The following THSD7B variants were observed in gnomAD, a reference collection of about 807,000 sequenced individuals.
THSD7B encodes thrombospondin type-1 domain-containing protein 7B.
Under a neutral mutation model 213.6 loss-of-function variants are expected in THSD7B, and 138 were observed. The ratio of observed to expected loss-of-function variants is 0.65; its 90% CI spans 0.56 to 0.74. The LOEUF is 0.74. THSD7B is among the 30% of genes least tolerant of loss of function. The pLI is 0.00. For synonymous variants in THSD7B, 742 were observed against 687.0 expected, an observed-to-expected ratio of 1.08 and a Z score of -1.25; for missense variants, 1,931 against 1,991.5, an observed-to-expected ratio of 0.97 and a Z score of 0.58.
At chr2:136,921,990 C>T (rs1014241869) in intron 2 of THSD7B, among the ~76,000 whole-genome samples, 8 of 152,184 alleles carry the variant, frequency 5.3e-5, no homozygotes, top group Non-Finnish European at 8.8e-5. Context: ...TTTTTGCTAT[C>T]TAATCTCAGG....
intron 10 of THSD7B, among the ~76,000 whole-genome samples, chr2:137,261,641 G>T (rs1434306262): frequency 6.6e-6 from 1 of 152,104 alleles, no homozygotes; most frequent in Non-Finnish European, 1.5e-5. Flanking sequence ...AGTAGTGACA[G>T]CAATACAAGC....
chr2:137,649,452 T>A (rs1242484528), intron 21 of THSD7B, among the ~76,000 whole-genome samples: 3 of 152,222 alleles, frequency 2.0e-5, no homozygotes, highest in African/African-American at 7.2e-5. Flanking sequence ...TTTGATTTTC[T>A]TGTATGTTGA....
At chr2:137,405,561 A>G in intron 12 of THSD7B, 52 bp from the exon 13 acceptor site, 1 of 1,508,490 alleles carries the variant, frequency 6.6e-7, no homozygotes, top group Non-Finnish European at 8.9e-7. Context: ...AAGAACCAGC[A>G]GCTGACTGAT....
At chr2:136,977,797 C>CTTTGCTT (rs1553461912) in intron 2 of THSD7B, among the ~76,000 whole-genome samples, 2 of 41,318 alleles carry the variant, frequency 4.8e-5, no homozygotes, top group African/African-American at 2.9e-4. Context: ...TTTTTCTTTT[C>CTTTGCTT]TTTGTTTTTT....
At chr2:137,254,925 TGA>T (rs367797065) in intron 10 of THSD7B, among the ~76,000 whole-genome samples, 1 of 151,792 alleles carries the variant, frequency 6.6e-6, no homozygotes, top group African/African-American at 2.4e-5. Context: ...AGAGAAAGAG[TGA>T]GGGGGGGCTC....
intron 3 of THSD7B, among the ~76,000 whole-genome samples, chr2:137,075,654 G>C (rs531360284): frequency 6.6e-6 from 1 of 152,176 alleles, no homozygotes; most frequent in Admixed American, 6.5e-5. Context: ...TGGAGCAGGA[G>C]AGGCGCTCTG....
In THSD7B at chr2:137,094,971, A is replaced by G. The variant is rs1273387528; in HGVS notation, c.1049A>G (p.Lys350Arg). ...SQWSSWSPCS[K>R]TCRSGSLLPG... ...TGGTCCTCCTGGAGCCCCTGCTCCA[A>G]GACATGCCGTTCAGGGAGTCTCTTG... The change falls in exon 4 of 28, where the codon AAG becomes AGG. Residue 350 changes from lysine to arginine, a missense_variant. By Grantham distance (26) the Lys-to-Arg change is conservative. Transcript: ENST00000409968. 1.2e-6 allele frequency: 2 copies of G among 1,613,908 alleles called. No individual in the cohort carries two copies. Among genetic ancestry groups the G allele is most frequent in the South Asian group, 1.1e-5 (1 of 91,084 alleles).
rs1687232981 is a variant in THSD7B at position 137,433,651 on chromosome 2, A to G, written c.2960-17194A>G. ...TTACAGGCATGAGCCTCCGTGCCCC[A>G]CCTATTTTTCTACTTTCTCTAGGCC... On this transcript the variant is annotated intron_variant, in intron 14 of 27. Coordinates refer to ENST00000409968, the MANE Select transcript of THSD7B (RefSeq NM_001316349.2). 2.0e-5 allele frequency among the ~76,000 whole-genome samples: 3 copies of G among 151,888 alleles called. No individual in the cohort carries two copies. In the South Asian group the frequency reaches 6.2e-4, roughly 31 times the overall value.
At chr2:137,581,867 GC>G (rs1471389533) in intron 17 of THSD7B, among the ~76,000 whole-genome samples, 1 of 151,748 alleles carries the variant, frequency 6.6e-6, no homozygotes, top group Admixed American at 6.6e-5. Context: ...GGAGGCTGAG[GC>G]AGGTGGATCA....
At position 137,474,360 on chromosome 2, in the gene THSD7B, T is replaced by C. The variant is rs146537961; in HGVS notation, c.3138+23337T>C. 3.5e-3 allele frequency among the ~76,000 whole-genome samples: 526 copies of C among 152,324 alleles called. 8 individuals are homozygous for C. Among genetic ancestry groups the C allele is most frequent in the African/African-American group, 9.8e-3 (406 of 41,578 alleles). On this transcript the variant is annotated intron_variant, in intron 15 of 27. Coordinates refer to ENST00000409968, the MANE Select transcript of THSD7B (RefSeq NM_001316349.2). Reference sequence around the variant, plus strand: ...AGATTGAATGGTTTCAGCTTTTACTTGTCAAAGTCCACTCCCTTTGGTCTC... The same window carrying C: ...AGATTGAATGGTTTCAGCTTTTACTCGTCAAAGTCCACTCCCTTTGGTCTC...
At chr2:137,070,715 C>A (rs1687467579) in intron 3 of THSD7B, among the ~76,000 whole-genome samples, 1 of 151,704 alleles carries the variant, frequency 6.6e-6, no homozygotes, top group East Asian at 1.9e-4. Context: ...CTCCCCCTGT[C>A]CCCCACCCCA....
At chr2:137,297,501 T>C (rs1683495224) in intron 12 of THSD7B, among the ~76,000 whole-genome samples, 1 of 151,954 alleles carries the variant, frequency 6.6e-6, no homozygotes, top group Non-Finnish European at 1.5e-5. Context: ...AGTAAATTGA[T>C]CACCAAAAGG....
chr2:137,140,783 G>A (rs1679563859), intron 5 of THSD7B, among the ~76,000 whole-genome samples: 2 of 152,126 alleles, frequency 1.3e-5, no homozygotes, highest in South Asian at 4.1e-4. Flanking sequence ...TAGTATTTAT[G>A]TTCTGATGGG....
At chr2:137,328,483 CA>C (rs1027137515) in intron 12 of THSD7B, among the ~76,000 whole-genome samples, 15 of 152,172 alleles carry the variant, frequency 9.9e-5, no homozygotes, top group African/African-American at 3.6e-4. Flanking sequence ...CCTACAAAAA[CA>C]TTTTTTTTCT....
chr2:136,882,250 T>C lies in THSD7B; in HGVS notation c.72T>C (p.Leu24=). The C allele has an allele frequency of 6.5e-7, 1 of 1,545,368 alleles. No homozygotes were observed. The highest frequency in any genetic ancestry group is 1.4e-5 in the African/African-American group (1 of 72,736). Reference sequence around the variant, plus strand: ...GCATGAGGAAGCTCTTTCTATTGCTTTCTCTCTTGCTGTCCCATGCAGCTC... The same window carrying C: ...GCATGAGGAAGCTCTTTCTATTGCTCTCTCTCTTGCTGTCCCATGCAGCTC... The part of the protein sequence containing the change: ...WRSMRKLFLL[L]SLLLSHAAHL... Residue 24 remains leucine (L), a synonymous_variant, in exon 2 of 28, where the codon CTT becomes CTC. Transcript: ENST00000409968.
In THSD7B at chr2:137,575,742, A is replaced by ATATATATATATATTTTTT. The variant is rs1235744133; in HGVS notation, c.3423+3187_3423+3188insATATATATATATTTTTTT. Among the ~76,000 whole-genome samples, 18 of 147,414 alleles carry ATATATATATATATTTTTT rather than the reference A, an allele frequency of 1.2e-4. No individual in the cohort carries two copies. In the South Asian group the frequency reaches 1.6e-3, roughly 13 times the overall value. ...ATAACACACATATATATATATATAT[A>ATATATATATATATTTTTT]TTTTTACTTTAACATGCTTACTTTT... On this transcript the variant is annotated intron_variant, in intron 17 of 27. Transcript: ENST00000409968.
intron 1 of THSD7B, among the ~76,000 whole-genome samples, chr2:136,852,465 G>C (rs13015892): frequency 1.3e-5 from 2 of 151,918 alleles, no homozygotes; most frequent in East Asian, 3.9e-4. Context: ...GAGGAACACC[G>C]CCTTGCTAAC....
chr2:137,650,807 T>C (rs1004117364), intron 21 of THSD7B, among the ~76,000 whole-genome samples: 1 of 152,202 alleles, frequency 6.6e-6, no homozygotes, highest in Non-Finnish European at 1.5e-5. Flanking sequence ...TATTGAATTT[T>C]ATCAAATGCT....
intron 1 of THSD7B, among the ~76,000 whole-genome samples, chr2:136,773,350 G>T (rs906652920): frequency 6.6e-6 from 1 of 152,014 alleles, no homozygotes; most frequent in African/African-American, 2.4e-5. Context: ...CAAGTCGGGA[G>T]GTGCATGCAG....
Sources: allele counts gnomAD v4.1 joint callset (sites outside exome capture counted in the v4.1 genomes callset), GRCh38; gene constraint gnomAD v4.1.1; transcripts MANE v1.5; gene names NCBI Gene and HGNC (gene_info 2026-07-23, HGNC 2026-07-21).